Variants in SLC30A7 observed in about 807,000 individuals in gnomAD.
The protein encoded by SLC30A7 is solute carrier family 30 member 7.
A neutral mutation model predicts 46.0 loss-of-function variants in SLC30A7; 35 were observed. The ratio of observed to expected loss-of-function variants is 0.76; its 90% CI spans 0.58 to 1.01. SLC30A7 has a LOEUF of 1.01. SLC30A7 is among the 50% of genes least tolerant of loss of function. The pLI is 0.00. For synonymous variants in SLC30A7, 147 were observed against 157.8 expected (o/e 0.93, Z 0.51); for missense variants, 464 against 451.1 (o/e 1.03, Z -0.26).
At chr1:100,910,858 AT>A (rs1570514189) in intron 3 of SLC30A7, among the ~76,000 whole-genome samples, 2 of 152,252 alleles carry the variant, frequency 1.3e-5, no homozygotes, top group Non-Finnish European at 2.9e-5. Flanking sequence ...GTTTTGTGGC[AT>A]TCTGCTTTTG....
intron 3 of SLC30A7, among the ~76,000 whole-genome samples, chr1:100,907,991 G>C (rs898690096): frequency 1.3e-5 from 2 of 150,770 alleles, no homozygotes; most frequent in Admixed American, 6.6e-5. Flanking sequence ...CCCTTTATCT[G>C]TCAGGCTCAA....
chr1:100,965,951 C>G (rs775942532), intron 10 of SLC30A7, 33 bp downstream of exon 10: 1 of 1,563,792 alleles, frequency 6.4e-7, no homozygotes, highest in African/African-American at 1.4e-5. Context: ...TTTTAAGGGC[C>G]TTAACATTTT....
chr1:100,992,645 T>C, the SLC30A7 span: 1 of 1,613,694 alleles, frequency 6.2e-7, no homozygotes, highest in African/African-American at 1.3e-5. Flanking sequence ...ACCTGGTTCT[T>C]CTCCTCGTAT....
Position 100,948,146 on chromosome 1 carries a change from A to T in SLC30A7, c.843-13682A>T, listed in dbSNP as rs139567704. ...TTGATGCAGTTTCTTCATAGCATCG[A>T]TGGTCTTTACAATTTGGCATGTTTT... On this transcript the variant is annotated intron_variant, in intron 8 of 10. Coordinates refer to ENST00000357650, the MANE Select transcript of SLC30A7 (RefSeq NM_133496.5). Among the ~76,000 whole-genome samples the T allele has an allele frequency of 8.8e-3, 1,347 of 152,250 alleles. 30 individuals are homozygous for T. Among genetic ancestry groups the T allele is most frequent in the African/African-American group, 0.031 (1,299 of 41,536 alleles).
chr1:100,945,023 AT>A (rs1654547366), intron 8 of SLC30A7, among the ~76,000 whole-genome samples: 1 of 152,040 alleles, frequency 6.6e-6, no homozygotes, highest in Non-Finnish European at 1.5e-5. Context: ...TGTGATTTGC[AT>A]TTCTCTGATG....
At chr1:100,919,476 A>G (rs1272265008) in intron 7 of SLC30A7, among the ~76,000 whole-genome samples, 1 of 152,152 alleles carries the variant, frequency 6.6e-6, no homozygotes, top group East Asian at 1.9e-4. Context: ...ATACTGAGAA[A>G]TTTATTTTCA....
At chr1:100,922,044 C>G (rs2101032841) in intron 8 of SLC30A7, among the ~76,000 whole-genome samples, 1 of 150,294 alleles carries the variant, frequency 6.7e-6, no homozygotes, top group East Asian at 2.0e-4. Context: ...ATCTCTGCCT[C>G]CTGGGTTGAA....
rs1290791145 is a variant in SLC30A7, at chr1:100,965,797, T to C, written c.962T>C (p.Leu321Ser). The change falls in exon 10 of 11, where the codon TTA (leucine) becomes TCA (serine). Residue 321 changes from leucine to serine, a missense_variant. Leu to Ser is a moderately radical substitution (Grantham distance 145). Coordinates refer to ENST00000357650, the MANE Select transcript of SLC30A7 (RefSeq NM_133496.5). Reference protein sequence around the residue: ...RVQQLQGVYSLQEQHFWTLCS... With the variant: ...RVQQLQGVYSSQEQHFWTLCS... ...CAGCAGTTGCAAGGAGTTTACAGTT[T>C]ACAGGAACAGCACTTCTGGACTTTA... 2 of 1,613,874 alleles carry C rather than the reference T, an allele frequency of 1.2e-6. No homozygotes were observed. The highest frequency in any genetic ancestry group is 2.2e-5 in the East Asian group (1 of 44,880).
In SLC30A7 at chr1:100,961,978, A is replaced by G. The variant is rs1004022942; in HGVS notation, c.933+60A>G. On this transcript the variant is annotated intron_variant, in intron 9 of 10. Coordinates refer to ENST00000357650, the MANE Select transcript of SLC30A7 (RefSeq NM_133496.5). ...TGCTGTTTTCAATCTCTTGATTTTCAGCTTTCACAAATATGGGTAACATGT... is the reference window on the plus strand; with the variant it reads ...TGCTGTTTTCAATCTCTTGATTTTCGGCTTTCACAAATATGGGTAACATGT... 4.0e-5 allele frequency: 43 copies of G among 1,063,654 alleles called. No homozygotes were observed. In the Admixed American group the frequency reaches 4.7e-4, roughly 12 times the overall value. 65.9% of individuals were successfully genotyped at this position (1,063,654 alleles called of 1,614,324 possible).
At chr1:100,915,240 TCTTTCTTTCTTTCTTC>T (rs1223838702) in intron 6 of SLC30A7, among the ~76,000 whole-genome samples, 11 of 146,476 alleles carry the variant, frequency 7.5e-5, no homozygotes, top group African/African-American at 1.5e-4. Context: ...TTTCTTTCTT[TCTTTCTTTCTTTCTTC>T]CTTTCTTTCT....
In SLC30A7 at chr1:100,976,055, G is replaced by T. The variant is rs1656476311; in HGVS notation, c.*1198G>T. Reference sequence around the variant, plus strand: ...ATTATCACATTTTAAATTACTTTGTGGACTGTGTTTTCAAAACTTTGCAAA... The same window carrying T: ...ATTATCACATTTTAAATTACTTTGTTGACTGTGTTTTCAAAACTTTGCAAA... On this transcript the variant is annotated 3_prime_UTR_variant, in exon 11 of 11. Coordinates refer to ENST00000357650, the MANE Select transcript of SLC30A7 (RefSeq NM_133496.5). 1.3e-5 allele frequency: 2 copies of T among 152,334 alleles called. No homozygotes were observed. Among genetic ancestry groups the T allele is most frequent in the African/African-American group, 4.8e-5 (2 of 41,340 alleles). 9.4% of individuals were successfully genotyped at this position (152,334 alleles called of 1,614,324 possible).
At chr1:100,985,786 T>C (rs1319520550), downstream of SLC30A7, among the ~76,000 whole-genome samples, 1 of 152,174 alleles carries the variant, frequency 6.6e-6, no homozygotes, top group Admixed American at 6.5e-5. Flanking sequence ...ATCTTAGACA[T>C]GGCAACAGAA....
intron 8 of SLC30A7, among the ~76,000 whole-genome samples, chr1:100,957,750 T>C (rs1358729437): frequency 6.6e-6 from 1 of 152,196 alleles, no homozygotes; most frequent in Non-Finnish European, 1.5e-5. Flanking sequence ...TTTTTCTAAT[T>C]CTCAAACATA....
intron 7 of SLC30A7, 66 bp downstream of exon 7, chr1:100,918,193 T>A: frequency 7.5e-7 from 1 of 1,329,334 alleles, no homozygotes; most frequent in East Asian, 2.3e-5. Context: ...GAAGTTTTAG[T>A]TGTCTGAAGT....
the SLC30A7 span, among the ~76,000 whole-genome samples, chr1:100,994,877 T>C: frequency 6.6e-6 from 1 of 152,172 alleles, no homozygotes; most frequent in Non-Finnish European, 1.5e-5. Context: ...CCACAAACAC[T>C]GAGTGTCTGT....
At chr1:100,953,553 A>G (rs1208012539) in intron 8 of SLC30A7, among the ~76,000 whole-genome samples, 4 of 152,162 alleles carry the variant, frequency 2.6e-5, no homozygotes, top group Non-Finnish European at 2.9e-5. Flanking sequence ...AGATTTGCCT[A>G]AAGAGCTTGT....
At chr1:100,934,575 A>G (rs527521284) in intron 8 of SLC30A7, among the ~76,000 whole-genome samples, 7 of 151,980 alleles carry the variant, frequency 4.6e-5, no homozygotes, top group African/African-American at 1.7e-4. Flanking sequence ...ATATTTTCCT[A>G]AGAAACTATT....
intron 8 of SLC30A7, among the ~76,000 whole-genome samples, chr1:100,951,166 A>G (rs940599885): frequency 3.3e-5 from 5 of 152,156 alleles, no homozygotes; most frequent in Non-Finnish European, 7.3e-5. Context: ...GGGGTTAGAG[A>G]AAGATGTTAG....
intron 3 of SLC30A7, 49 bp downstream of exon 3, chr1:100,907,014 C>CA (rs760743060): frequency 3.9e-5 from 45 of 1,161,720 alleles, no homozygotes; most frequent in African/African-American, 3.7e-4. Flanking sequence ...AAGATATACA[C>CA]AAAAAAACAC....
Sources: gnomAD v4.1 joint callset for allele counts (sites outside exome capture counted in the v4.1 genomes callset) on GRCh38, gnomAD v4.1.1 for gene constraint, MANE v1.5 for transcripts, NCBI Gene and HGNC (gene_info 2026-07-23, HGNC 2026-07-21) for gene names.